Variants in CDS2 observed in about 807,000 individuals in gnomAD.
The protein encoded by CDS2 is CDP-diacylglycerol synthase 2.
In CDS2, 47 loss-of-function variants were observed where a neutral mutation model predicts 59.0. The ratio of observed to expected loss-of-function variants is 0.80; its 90% CI spans 0.63 to 1.02. The LOEUF (loss-of-function observed/expected upper bound fraction) is 1.02. Ranked by LOEUF, CDS2 falls within the 50% of genes least tolerant of loss-of-function variation. The pLI, the probability that CDS2 is intolerant of heterozygous loss-of-function variation, is 0.00. For synonymous variants in CDS2, 207 were observed against 206.4 expected (o/e 1.00, Z -0.02); for missense variants, 356 against 558.9 (o/e 0.64, Z 3.66).
At chr20:5,170,944 A>G (rs2090952022) in intron 1 of CDS2, among the ~76,000 whole-genome samples, 1 of 152,280 alleles carries the variant, frequency 6.6e-6, no homozygotes, top group South Asian at 2.1e-4. Flanking sequence ...CTCTACGCAA[A>G]TAAACTAGAA....
chr20:5,127,697 T>G (rs887066063), intron 1 of CDS2, among the ~76,000 whole-genome samples: 2 of 151,558 alleles, frequency 1.3e-5, no homozygotes, highest in Non-Finnish European at 2.9e-5. Context: ...CATCAGCAGG[T>G]GTTGGAGGGC....
chr20:5,135,632 C>T (rs920771916), intron 1 of CDS2, among the ~76,000 whole-genome samples: 1 of 152,164 alleles, frequency 6.6e-6, no homozygotes, highest in Non-Finnish European at 1.5e-5. Context: ...CCCCTCCCCA[C>T]CCCCACGTAT....
intron 1 of CDS2, among the ~76,000 whole-genome samples, chr20:5,163,947 C>T (rs1165563413): frequency 2.0e-5 from 3 of 151,878 alleles, no homozygotes; most frequent in Non-Finnish European, 4.4e-5. Flanking sequence ...CCCACCACCA[C>T]GCCTGGATAA....
At chr20:5,132,894 C>T (rs981398930) in intron 1 of CDS2, among the ~76,000 whole-genome samples, 3 of 151,976 alleles carry the variant, frequency 2.0e-5, no homozygotes, top group Non-Finnish European at 2.9e-5. Flanking sequence ...TTTTATCGGC[C>T]GGGCGCGGTG....
At chr20:5,178,343 G>A (rs1374247115) in intron 4 of CDS2, among the ~76,000 whole-genome samples, 1 of 152,216 alleles carries the variant, frequency 6.6e-6, no homozygotes, top group Non-Finnish European at 1.5e-5. Context: ...TTTGAGCAAG[G>A]AGTGAAGAAA....
At chr20:5,162,684 T>C (rs2090883906) in intron 1 of CDS2, among the ~76,000 whole-genome samples, 1 of 152,078 alleles carries the variant, frequency 6.6e-6, no homozygotes, top group Admixed American at 6.6e-5. Context: ...AGGGGCTGGA[T>C]GATGATACCT....
rs538802747 is a variant in CDS2, at chr20:5,196,039, C to T, written c.*5805C>T. The T allele has an allele frequency of 1.7e-4, 26 of 152,266 alleles. No homozygotes were observed. Among genetic ancestry groups the T allele is most frequent in the Admixed American group, 7.8e-4 (12 of 15,290 alleles). 9.4% of individuals were successfully genotyped at this position (152,266 alleles called of 1,614,324 possible). A position where few individuals can be genotyped will look rare whatever the true frequency, so the allele number is the denominator to read the frequency against. ...AACAGGATCCATGAAATTCCTAGGT[C>T]AGTTGAATAATAACTGAACTACTGG... On this transcript the variant is annotated 3_prime_UTR_variant, in exon 13 of 13. Coordinates refer to ENST00000460006, the MANE Select transcript of CDS2 (RefSeq NM_003818.4).
At chr20:5,180,764 C>G (rs1233704058) in intron 5 of CDS2, among the ~76,000 whole-genome samples, 1 of 152,118 alleles carries the variant, frequency 6.6e-6, no homozygotes, top group African/African-American at 2.4e-5. Flanking sequence ...AGCTCAAATG[C>G]CTCTGACATT....
At chr20:5,174,424 A>G (rs933025251) in intron 2 of CDS2, among the ~76,000 whole-genome samples, 1 of 152,170 alleles carries the variant, frequency 6.6e-6, no homozygotes, top group African/African-American at 2.4e-5. Flanking sequence ...GAGTTAATAT[A>G]TGTAAAGTCC....
chr20:5,186,495 T>C lies in CDS2; in HGVS notation c.829-192T>C, dbSNP rs191426974. On this transcript the variant is annotated intron_variant, in intron 9 of 12. Transcript: ENST00000460006. ...TTTGGGTTCCTGTATGTAACCTTGG[T>C]GGGTCATGAGCCTCTTTTTTTTTTT... Among the ~76,000 whole-genome samples, 19 of 151,572 alleles carry C rather than the reference T, an allele frequency of 1.3e-4. No homozygotes were observed. In the East Asian group the frequency reaches 3.7e-3, roughly 29 times the overall value.
intron 1 of CDS2, among the ~76,000 whole-genome samples, chr20:5,133,679 C>G (rs2090625940): frequency 6.6e-6 from 1 of 152,166 alleles, no homozygotes; most frequent in Admixed American, 6.6e-5. Context: ...GGGCATGCCA[C>G]CACGCCCAGC....
intron 11 of CDS2, 105 bp from the exon 12 acceptor site, chr20:5,189,630 C>T: frequency 2.7e-6 from 2 of 754,180 alleles, no homozygotes; most frequent in Non-Finnish European, 4.6e-6. Flanking sequence ...CTTCTATTGC[C>T]CTCAGCTACT....
At chr20:5,176,622 G>A (rs781518929) in intron 3 of CDS2, 26 bp from the exon 4 acceptor site, 2 of 1,551,500 alleles carry the variant, frequency 1.3e-6, no homozygotes, top group South Asian at 2.2e-5. Flanking sequence ...GAATTGGGGT[G>A]TCAGTGAATG....
At chr20:5,180,301 CT>C (rs76475408) in intron 5 of CDS2, among the ~76,000 whole-genome samples, 803 of 139,618 alleles carry the variant, frequency 5.8e-3, no homozygotes, top group Non-Finnish European at 5.4e-3. Context: ...TATTGGCAAA[CT>C]TTTTTTTTTT....
At chr20:5,158,636 T>C (rs891620953) in intron 1 of CDS2, among the ~76,000 whole-genome samples, 5 of 152,330 alleles carry the variant, frequency 3.3e-5, no homozygotes, top group African/African-American at 1.2e-4. Flanking sequence ...CAGTAAAGCT[T>C]GTGAATCTTG....
intron 1 of CDS2, among the ~76,000 whole-genome samples, chr20:5,135,446 C>CTGT (rs1555780013): frequency 6.7e-6 from 1 of 149,626 alleles, no homozygotes; most frequent in African/African-American, 2.6e-5. Flanking sequence ...AAAAGTACAG[C>CTGT]TGTTTGTGTG....
intron 1 of CDS2, among the ~76,000 whole-genome samples, chr20:5,131,379 G>T (rs1021863377): frequency 6.6e-6 from 1 of 152,166 alleles, no homozygotes; most frequent in South Asian, 2.1e-4. Context: ...AAGAAACTTG[G>T]AGTTTAGGCT....
chr20:5,170,982 G>T (rs761801873), intron 1 of CDS2, among the ~76,000 whole-genome samples: 3 of 152,204 alleles, frequency 2.0e-5, no homozygotes, highest in Non-Finnish European at 2.9e-5. Flanking sequence ...TAAATTCCTC[G>T]ACACATACTT....
chr20:5,191,535 C>G lies in CDS2; in HGVS notation c.*1301C>G, dbSNP rs966942302. 5.9e-5 allele frequency: 9 copies of G among 152,290 alleles called. No homozygotes were observed. Among genetic ancestry groups the G allele is most frequent in the African/African-American group, 2.2e-4 (9 of 41,542 alleles). 9.4% of individuals were successfully genotyped at this position (152,290 alleles called of 1,614,324 possible). ...GAACTTGGCACCCAAATATATCAAA[C>G]TATTCCGTGCCGTGGATGTTTTCAT... is the stretch of plus-strand genomic sequence containing the variant. On this transcript the variant is annotated 3_prime_UTR_variant, in exon 13 of 13. Transcript: ENST00000460006.
Sources: gnomAD v4.1 joint callset for allele counts (sites outside exome capture counted in the v4.1 genomes callset) on GRCh38, gnomAD v4.1.1 for gene constraint, MANE v1.5 for transcripts, NCBI Gene and HGNC (gene_info 2026-07-23, HGNC 2026-07-21) for gene names.